The following SLC48A1 variants were observed in gnomAD, a reference collection of about 807,000 sequenced individuals.
The protein encoded by SLC48A1 is solute carrier family 48 member 1, also known as heme transporter HRG1.
In SLC48A1, 6 loss-of-function variants were observed where a neutral mutation model predicts 14.8. The ratio of observed to expected loss-of-function variants is 0.41; its 90% CI spans 0.22 to 0.80. SLC48A1 has a LOEUF of 0.80. Among genes scored for constraint, SLC48A1 ranks in the 30% least tolerant of loss-of-function variants. The pLI is 0.34. For missense variants in SLC48A1, 165 were observed against 204.8 expected (o/e 0.81, Z 1.19); for synonymous variants, 89 against 90.0 (o/e 0.99, Z 0.06).
intron 2 of SLC48A1, among the ~76,000 whole-genome samples, chr12:47,762,174 C>G (rs939444174): frequency 2.0e-5 from 3 of 152,192 alleles, no homozygotes; most frequent in Non-Finnish European, 4.4e-5. Context: ...AACCCTCCCC[C>G]ATTCCCTTCA....
At chr12:47,758,352 C>T (rs1942228510), upstream of SLC48A1, 1 of 1,458,304 alleles carries the variant, frequency 6.9e-7, no homozygotes, top group East Asian at 2.5e-5. Flanking sequence ...TGCCCATGCC[C>T]CTGCAGGGAT....
upstream of SLC48A1, among the ~76,000 whole-genome samples, chr12:47,754,496 T>A (rs1941939037): frequency 6.6e-6 from 1 of 152,246 alleles, no homozygotes. Context: ...ATCCTAGCTT[T>A]TGCGTTACCA....
At chr12:47,765,994 G>A (rs1433596342) in intron 2 of SLC48A1, among the ~76,000 whole-genome samples, 1 of 151,936 alleles carries the variant, frequency 6.6e-6, no homozygotes, top group South Asian at 2.1e-4. Context: ...CATTCCTCCC[G>A]CTGTCTTACT....
At position 47,782,319 on chromosome 12, in the gene SLC48A1, G is replaced by A. The variant is rs11608804; in HGVS notation, c.*2038G>A. Reference sequence around the variant, plus strand: ...CTACTGATAAACAGAGGCCCCAGAAGACGATTTGACTTACCTGAGCTCCCA... The same window carrying A: ...CTACTGATAAACAGAGGCCCCAGAAAACGATTTGACTTACCTGAGCTCCCA... On this transcript the variant is annotated 3_prime_UTR_variant, in exon 3 of 3. Coordinates refer to ENST00000442218, the MANE Select transcript of SLC48A1 (RefSeq NM_017842.3). The A allele has an allele frequency of 0.13, 19,227 of 152,272 alleles. 1,562 individuals carry two copies. The highest frequency in any genetic ancestry group is 0.19 in the Non-Finnish European group (12,582 of 68,010). The allele number at this position is 152,272 out of a possible 1,614,324, so 9.4% of individuals were successfully genotyped here. A position where few individuals can be genotyped will look rare whatever the true frequency, so the allele number is the denominator to read the frequency against.
At chr12:47,758,985 A>G (rs965199457) in intron 1 of SLC48A1, 22 of 997,406 alleles carry the variant, frequency 2.2e-5, no homozygotes, top group Admixed American at 5.9e-5. Flanking sequence ...GCCTTACGGT[A>G]GAGGAATGCG....
intron 1 of SLC48A1, among the ~76,000 whole-genome samples, chr12:47,775,439 G>A (rs1239566716): frequency 1.3e-5 from 2 of 152,158 alleles, no homozygotes; most frequent in African/African-American, 2.4e-5. Flanking sequence ...TCTCCCTGAT[G>A]GTCTGATCTT....
intron 2 of SLC48A1, among the ~76,000 whole-genome samples, chr12:47,762,548 A>C (rs866229053): frequency 7.9e-5 from 12 of 152,228 alleles, no homozygotes; most frequent in Admixed American, 5.9e-4. Context: ...TCCCCACTGC[A>C]ACTGTTCTAG....
chr12:47,776,181 C>G (rs1942749322), intron 1 of SLC48A1, among the ~76,000 whole-genome samples: 1 of 152,176 alleles, frequency 6.6e-6, no homozygotes, highest in Admixed American at 6.5e-5. Flanking sequence ...CTCCTGTCTC[C>G]TCACCTCCAG....
upstream of SLC48A1, chr12:47,758,546 C>A (rs761725520): frequency 9.3e-6 from 15 of 1,613,918 alleles, no homozygotes; most frequent in Non-Finnish European, 1.2e-5. Flanking sequence ...CCCCACCTTA[C>A]CCACCTTCAT....
chr12:47,765,580 G>A (rs1942500273), intron 2 of SLC48A1, among the ~76,000 whole-genome samples: 1 of 152,072 alleles, frequency 6.6e-6, no homozygotes, highest in South Asian at 2.1e-4. Flanking sequence ...TGGGCCCTGG[G>A]GGCCAGGCAA....
chr12:47,767,405 A>T (rs76440607), upstream of SLC48A1, among the ~76,000 whole-genome samples: 4,030 of 152,252 alleles, frequency 0.026, 192 homozygotes, highest in African/African-American at 0.093. Flanking sequence ...TTGAGTTCCT[A>T]CCTAGGCACC....
chr12:47,777,813 A>G lies in SLC48A1; in HGVS notation c.137-1215A>G, dbSNP rs1036886352. On this transcript the variant is annotated intron_variant, in intron 1 of 2. Coordinates refer to ENST00000442218, the MANE Select transcript of SLC48A1 (RefSeq NM_017842.3). This position sits in a 1 kb window ranked among gnomAD's most constrained non-coding sequence, Gnocchi z 4.5. The stretch of plus-strand genomic sequence containing the variant: ...AAGAAACAAAATAGCATAGATTCCC[A>G]TAGATTCAAAGCACTTCCCCACCCC... Among the ~76,000 whole-genome samples, 2 of 152,228 alleles carry G rather than the reference A, an allele frequency of 1.3e-5. No individual in the cohort carries two copies. Among genetic ancestry groups the G allele is most frequent in the East Asian group, 1.9e-4 (1 of 5,202 alleles).
At chr12:47,763,590 C>T (rs978882093) in intron 2 of SLC48A1, among the ~76,000 whole-genome samples, 3 of 152,206 alleles carry the variant, frequency 2.0e-5, no homozygotes, top group Non-Finnish European at 2.9e-5. Context: ...CGCTCCATCC[C>T]CCAAGGGCAG....
At chr12:47,767,408 T>C (rs1448762039), upstream of SLC48A1, among the ~76,000 whole-genome samples, 1 of 152,180 alleles carries the variant, frequency 6.6e-6, no homozygotes, top group Non-Finnish European at 1.5e-5. Flanking sequence ...AGTTCCTACC[T>C]AGGCACCTGG....
chr12:47,773,863 G>GC (rs536046239), intron 1 of SLC48A1, among the ~76,000 whole-genome samples: 145 of 152,308 alleles, frequency 9.5e-4, no homozygotes, highest in African/African-American at 3.3e-3. Context: ...GGGATCCCCT[G>GC]CCCCCCAGGC....
At chr12:47,773,700 G>T (rs1942677453) in intron 1 of SLC48A1, among the ~76,000 whole-genome samples, 1 of 152,184 alleles carries the variant, frequency 6.6e-6, no homozygotes, top group Non-Finnish European at 1.5e-5. Flanking sequence ...CAGACCTGCC[G>T]CGCCGCCCGG....
At chr12:47,779,241 G>A (rs554535859) in intron 2 of SLC48A1, 46 bp downstream of exon 2, 16 of 1,521,126 alleles carry the variant, frequency 1.1e-5, no homozygotes, top group Admixed American at 4.2e-5. Flanking sequence ...GGACAGCAGC[G>A]GGGATTTTAG....
chr12:47,760,264 G>A, exon 2 of SLC48A1: 1 of 985,482 alleles, frequency 1.0e-6, no homozygotes, highest in Non-Finnish European at 1.2e-6. Context: ...AGTTTTAAAT[G>A]CCTCTCCGGG....
In SLC48A1 at chr12:47,777,062, C is replaced by T. The variant is rs773300177; in HGVS notation, c.137-1966C>T. On this transcript the variant is annotated intron_variant, in intron 1 of 2. Coordinates refer to ENST00000442218, the MANE Select transcript of SLC48A1 (RefSeq NM_017842.3). The surrounding 1 kb of genome is among the most constrained non-coding windows in gnomAD (Gnocchi z 4.5). The stretch of plus-strand genomic sequence containing the variant: ...TGCTCAGTGACAACACCCCTTGTTC[C>T]CAGGGCCCTTTATAAACCAAACAGC... Among the ~76,000 whole-genome samples, 2 of 152,140 alleles carry T rather than the reference C, an allele frequency of 1.3e-5. No individual in the cohort carries two copies. The highest frequency in any genetic ancestry group is 1.5e-5 in the Non-Finnish European group (1 of 68,030).
Sources: gnomAD v4.1 joint callset for allele counts (sites outside exome capture counted in the v4.1 genomes callset) on GRCh38, gnomAD v4.1.1 for gene constraint, Gnocchi (gnomAD v3.1) non-coding constraint, MANE v1.5 for transcripts, NCBI Gene and HGNC (gene_info 2026-07-23, HGNC 2026-07-21) for gene names.